Variants in SLC9A7 observed in about 807,000 individuals in gnomAD.
The protein encoded by SLC9A7 is sodium/hydrogen exchanger 7.
Under a neutral mutation model 52.6 loss-of-function variants are expected in SLC9A7, and 19 were observed. The ratio of observed to expected loss-of-function variants is 0.36; its 90% CI spans 0.25 to 0.53. The LOEUF (loss-of-function observed/expected upper bound fraction) is 0.53. Ranked by LOEUF, SLC9A7 falls within the 20% of genes least tolerant of loss-of-function variation. SLC9A7 has a pLI of 0.91. For missense variants in SLC9A7, 455 were observed against 597.9 expected, an observed-to-expected ratio of 0.76 and a Z score of 2.49; for synonymous variants, 226 against 252.1, an observed-to-expected ratio of 0.90 and a Z score of 0.98.
chrX:46,736,277 G>T (rs1945120773), intron 1 of SLC9A7, among the ~76,000 whole-genome samples: 1 of 111,613 alleles, frequency 9.0e-6, no homozygotes, highest in African/African-American at 3.3e-5. Flanking sequence ...TCTAGCATTT[G>T]AATTTGATTT....
At chrX:46,747,678 A>G (rs1921880751) in intron 1 of SLC9A7, among the ~76,000 whole-genome samples, 1 of 112,031 alleles carries the variant, frequency 8.9e-6, no homozygotes, top group Non-Finnish European at 1.9e-5. Context: ...GAATATATAA[A>G]GAATTCCTAT....
Position 46,600,200 on chromosome X carries a change from C to G in SLC9A7, c.*6752G>C, listed in dbSNP as rs1942639676. 1 of 112,199 alleles carries G rather than the reference C, an allele frequency of 8.9e-6. No individual in the cohort carries two copies. The highest frequency in any genetic ancestry group is 3.2e-5 in the African/African-American group (1 of 30,863). The allele number at this position is 112,199 out of a possible 1,213,427, so 9.2% of individuals were successfully genotyped here. A position where few individuals can be genotyped will look rare whatever the true frequency, so the allele number is the denominator to read the frequency against. The stretch of plus-strand genomic sequence containing the variant: ...CAACACAAGTCAGCCCCTAAATGTC[C>G]ATGCAGTTAAGTCATCCAGTAACAC... On this transcript the variant is annotated 3_prime_UTR_variant, in exon 17 of 17. Transcript: ENST00000616978.
chrX:46,613,439 T>C, intron 15 of SLC9A7, 45 bp from the exon 16 acceptor site: 1 of 973,553 alleles, frequency 1.0e-6, no homozygotes, highest in East Asian at 3.2e-5. Context: ...AGAAAACATA[T>C]ACACAACAAA....
rs139557149 is a variant in SLC9A7 at position 46,620,345 on chromosome X, T to C, written c.1823+632A>G. On this transcript the variant is annotated intron_variant, in intron 15 of 16. Transcript: ENST00000616978. ...GCTGAGGTGGGAGATTGCTTGAGCCTGGGAGGGGAAGGTTGCAGTGAGCTG... is the reference window on the plus strand; with the variant it reads ...GCTGAGGTGGGAGATTGCTTGAGCCCGGGAGGGGAAGGTTGCAGTGAGCTG... 9.9e-3 allele frequency among the ~76,000 whole-genome samples: 1,105 copies of C among 111,373 alleles called. 9 individuals are homozygous for C. The highest frequency in any genetic ancestry group is 0.033 in the African/African-American group (1,012 of 30,593).
intron 1 of SLC9A7, among the ~76,000 whole-genome samples, chrX:46,713,271 G>A (rs189836250): frequency 1.8e-3 from 198 of 110,034 alleles, no homozygotes; most frequent in East Asian, 4.0e-3. Flanking sequence ...AGCCTGAGGC[G>A]GGTGGATCAT....
At chrX:46,609,443 G>A (rs759412581) in intron 16 of SLC9A7, among the ~76,000 whole-genome samples, 14 of 112,776 alleles carry the variant, frequency 1.2e-4, no homozygotes, top group Admixed American at 1.1e-3. Flanking sequence ...GCTCACGCCT[G>A]TAATCCCAGC....
At chrX:46,677,050 G>A (rs776392749) in intron 3 of SLC9A7, among the ~76,000 whole-genome samples, 209 of 111,891 alleles carry the variant, frequency 1.9e-3, no homozygotes, top group Non-Finnish European at 3.0e-3. Flanking sequence ...CACAGCCTCC[G>A]TTCCTCAAGC....
At chrX:46,644,514 T>C (rs778105604) in intron 11 of SLC9A7, among the ~76,000 whole-genome samples, 1 of 110,826 alleles carries the variant, frequency 9.0e-6, no homozygotes, top group Admixed American at 9.6e-5. Context: ...CATGTGCCTG[T>C]AGTCCTCTGC....
intron 1 of SLC9A7, among the ~76,000 whole-genome samples, chrX:46,702,936 G>A (rs2146919387): frequency 8.9e-6 from 1 of 112,049 alleles, no homozygotes. Flanking sequence ...AGCCTTGCCA[G>A]CATCTGTTTT....
At position 46,629,501 on chromosome X, in the gene SLC9A7, T is replaced by C. The variant is rs182989711; in HGVS notation, c.1740+2085A>G. 4.2e-3 allele frequency among the ~76,000 whole-genome samples: 467 copies of C among 112,388 alleles called. 2 individuals carry two copies. The highest frequency in any genetic ancestry group is 0.014 in the Middle Eastern group (3 of 218). Reference sequence around the variant, plus strand: ...TTCCCAGTGCGCAGGGCTCATGTGATACATAGTAAGTTCTACTACATGACC... The same window carrying C: ...TTCCCAGTGCGCAGGGCTCATGTGACACATAGTAAGTTCTACTACATGACC... On this transcript the variant is annotated intron_variant, in intron 14 of 16. Transcript: ENST00000616978.
chrX:46,742,369 T>C (rs1356617841), intron 1 of SLC9A7, among the ~76,000 whole-genome samples: 2 of 110,629 alleles, frequency 1.8e-5, no homozygotes, highest in African/African-American at 3.3e-5. Context: ...ACAAGCCTAG[T>C]GTTCTTCAAC....
intron 13 of SLC9A7, among the ~76,000 whole-genome samples, chrX:46,632,805 A>G (rs986645242): frequency 9.0e-6 from 1 of 111,486 alleles, no homozygotes; most frequent in African/African-American, 3.3e-5. Context: ...CCTGCTTTCA[A>G]TCCTGGTGCC....
intron 1 of SLC9A7, among the ~76,000 whole-genome samples, chrX:46,709,755 G>A (rs1007026522): frequency 3.6e-5 from 4 of 112,146 alleles, no homozygotes; most frequent in Non-Finnish European, 5.6e-5. Flanking sequence ...GCATCGTAAG[G>A]AAATTCCAGC....
intron 12 of SLC9A7, among the ~76,000 whole-genome samples, chrX:46,641,960 T>C (rs915115292): frequency 8.9e-6 from 1 of 112,460 alleles, no homozygotes; most frequent in Non-Finnish European, 1.9e-5. Flanking sequence ...TTACTTATTA[T>C]TATGACTAAC....
chrX:46,630,219 GCAC>G (rs1943200808), intron 14 of SLC9A7, among the ~76,000 whole-genome samples: 2 of 111,674 alleles, frequency 1.8e-5, no homozygotes, highest in South Asian at 7.5e-4. Flanking sequence ...ACCCCACACA[GCAC>G]CACATTTTGC....
rs752208403 is a variant in SLC9A7 at position 46,672,798 on chromosome X, G to A, written c.604-171C>T. ...GTGTTATTTAACCTTAGACATCATG[G>A]TTTTAAGTTATCTTCTATACAGCCA... is the stretch of plus-strand genomic sequence containing the variant. On this transcript the variant is annotated intron_variant, in intron 3 of 16. Transcript: ENST00000616978. 2.7e-5 allele frequency among the ~76,000 whole-genome samples: 3 copies of A among 112,478 alleles called. 1 individual carries two copies. The South Asian group carries it at 1.1e-3, about 41-fold the overall frequency.
At chrX:46,667,081 A>G (rs1467660925) in intron 5 of SLC9A7, among the ~76,000 whole-genome samples, 1 of 112,216 alleles carries the variant, frequency 8.9e-6, no homozygotes, top group East Asian at 2.8e-4. Flanking sequence ...TCAGATGTGG[A>G]CACAGACCAG....
chrX:46,751,126 A>G (rs1362888275), intron 1 of SLC9A7, among the ~76,000 whole-genome samples: 2 of 111,679 alleles, frequency 1.8e-5, no homozygotes, highest in Non-Finnish European at 3.8e-5. Flanking sequence ...GGCTTAGCAC[A>G]TAAGTCTTCC....
intron 16 of SLC9A7, among the ~76,000 whole-genome samples, chrX:46,609,914 G>C (rs1167686428): frequency 9.0e-6 from 1 of 111,147 alleles, no homozygotes; most frequent in Admixed American, 9.5e-5. Flanking sequence ...TGTAATCCCA[G>C]CTACTCGGGA....
Sources: gnomAD v4.1 joint callset for allele counts (sites outside exome capture counted in the v4.1 genomes callset) on GRCh38, gnomAD v4.1.1 for gene constraint, MANE v1.5 for transcripts, NCBI Gene and HGNC (gene_info 2026-07-23, HGNC 2026-07-21) for gene names.